ERGIC3: variants seen among roughly 807,000 people sequenced by gnomAD.
ERGIC3 encodes the protein endoplasmic reticulum-Golgi intermediate compartment protein 3.
A neutral mutation model predicts 54.7 loss-of-function variants in ERGIC3; 33 were observed. The ratio of observed to expected loss-of-function variants is 0.60; its 90% CI spans 0.46 to 0.81. The LOEUF (loss-of-function observed/expected upper bound fraction) is 0.81, where lower values mean the gene tolerates loss of function less well. Among genes scored for constraint, ERGIC3 ranks in the 30% least tolerant of loss-of-function variants. ERGIC3 has a pLI of 0.00. For synonymous variants in ERGIC3, 186 were observed against 189.8 expected, an observed-to-expected ratio of 0.98 and a Z score of 0.16; for missense variants, 399 against 488.4, an observed-to-expected ratio of 0.82 and a Z score of 1.73.
At chr20:35,557,329 G>A (rs1464705013) in intron 12 of ERGIC3, 80 bp downstream of exon 12, 9 of 1,610,296 alleles carry the variant, frequency 5.6e-6, no homozygotes, top group Non-Finnish European at 6.8e-6. Context: ...GGGGGTGAAG[G>A]GGCAGATGCT....
chr20:35,544,615 G>A lies in ERGIC3; in HGVS notation c.367+1674G>A, dbSNP rs75442135. 1.2e-4 allele frequency: 31 copies of A among 250,364 alleles called. 1 individual carries two copies. In the East Asian group the frequency reaches 3.1e-3, roughly 25 times the overall value. The allele number at this position is 250,364 out of a possible 1,614,324, so 15.5% of individuals were successfully genotyped here. ...TACGGGGCGAAACCACACACCTCTC[G>A]GATCATGTCCCACATGAATTTGGTG... On this transcript the variant is annotated intron_variant, in intron 4 of 12. Coordinates refer to ENST00000348547, the MANE Select transcript of ERGIC3 (RefSeq NM_015966.3).
chr20:35,548,549 C>T lies in ERGIC3; in HGVS notation c.502C>T (p.Arg168Cys), dbSNP rs1267751414. 27 of 1,614,052 alleles carry T rather than the reference C, an allele frequency of 1.7e-5. No homozygotes were observed. The highest frequency in any genetic ancestry group is 6.6e-5 in the South Asian group (6 of 91,082). ...TGAAGATGTGCGGGAGGCATATCGCCGTAGAGGCTGGGCCTTCAAGAACCC... is the reference window on the plus strand; with the variant it reads ...TGAAGATGTGCGGGAGGCATATCGCTGTAGAGGCTGGGCCTTCAAGAACCC... ...TCEDVREAYR[R>C]RGWAFKNPDT... The change falls in exon 6 of 13, where the codon CGT (arginine) becomes TGT (cysteine). Residue 168 changes from arginine to cysteine, a missense_variant. Coordinates refer to ENST00000348547, the MANE Select transcript of ERGIC3 (RefSeq NM_015966.3).
rs224414 is a variant in ERGIC3 at position 35,547,515 on chromosome 20, C to T, written c.461+10C>T. On this transcript the variant is annotated intron_variant, in intron 5 of 12. Transcript: ENST00000348547. ...AGGCAGAAGATATCAAGTGAGCTGGCGGGGAGCGGGAGCAGGGTTCCCATC... is the reference window on the plus strand; with the variant it reads ...AGGCAGAAGATATCAAGTGAGCTGGTGGGGAGCGGGAGCAGGGTTCCCATC... 3,820 of 1,612,650 alleles carry T rather than the reference C, an allele frequency of 2.4e-3. 74 individuals are homozygous for T. In the African/African-American group the frequency reaches 0.044, roughly 19 times the overall value.
chr20:35,551,009 A>C (rs58918479), intron 7 of ERGIC3, among the ~76,000 whole-genome samples: 26,667 of 152,078 alleles, frequency 0.18, 2,598 homozygotes, highest in South Asian at 0.29. Context: ...TTTGTACCTG[A>C]GTAGTAAGAA....
chr20:35,551,504 A>C (rs184854707), intron 7 of ERGIC3, among the ~76,000 whole-genome samples: 1 of 152,236 alleles, frequency 6.6e-6, no homozygotes, highest in Non-Finnish European at 1.5e-5. Context: ...TTGCCTGGAG[A>C]TGCAGATGTT....
intron 7 of ERGIC3, among the ~76,000 whole-genome samples, chr20:35,553,131 A>G (rs927503703): frequency 7.2e-6 from 1 of 138,278 alleles, no homozygotes; most frequent in Non-Finnish European, 1.5e-5. Flanking sequence ...CAGCCTCTCA[A>G]GGAGCTGAGA....
chr20:35,551,846 G>A (rs887326966), intron 7 of ERGIC3, among the ~76,000 whole-genome samples: 4 of 152,184 alleles, frequency 2.6e-5, no homozygotes, highest in Non-Finnish European at 5.9e-5. Flanking sequence ...GAGTGGGTTC[G>A]GGAGGGAATG....
At chr20:35,549,602 A>G (rs1222986848) in intron 7 of ERGIC3, 2 of 180,144 alleles carry the variant, frequency 1.1e-5, no homozygotes, top group Non-Finnish European at 2.3e-5. Flanking sequence ...TTTTAACTTC[A>G]TGATGGGTAT....
In ERGIC3 at chr20:35,557,455, A is replaced by G. The variant is rs556953758; in HGVS notation, c.1103A>G (p.His368Arg). The change falls in exon 13 of 13, where the codon CAC (histidine) becomes CGC (arginine). Residue 368 changes from histidine (H) to arginine (R), a missense_variant. Physicochemically the swap from His to Arg is conservative, Grantham distance 29. Transcript: ENST00000348547. ...GGACTCATCGATTCGCTCATCTACC[A>G]CTCAGCACGAGCCATCCAGAAGAAA... ...VAGLIDSLIY[H>R]SARAIQKKID... 1 of 1,613,996 alleles carries G rather than the reference A, an allele frequency of 6.2e-7. No individual in the cohort carries two copies. Among genetic ancestry groups the G allele is most frequent in the Admixed American group, 1.7e-5 (1 of 60,000 alleles).
chr20:35,550,072 G>A (rs894018210), intron 7 of ERGIC3, among the ~76,000 whole-genome samples: 10 of 152,058 alleles, frequency 6.6e-5, no homozygotes, highest in Admixed American at 2.6e-4. Flanking sequence ...GATGGTAATG[G>A]GGAGGGGCTA....
At chr20:35,553,014 C>G (rs1218962351) in intron 7 of ERGIC3, among the ~76,000 whole-genome samples, 1 of 30,654 alleles carries the variant, frequency 3.3e-5, no homozygotes, top group Non-Finnish European at 8.8e-5. Flanking sequence ...AGCTTCAAAG[C>G]TGGGGATTTT....
chr20:35,556,458 T>G, intron 10 of ERGIC3, 187 bp downstream of exon 10: 1 of 631,770 alleles, frequency 1.6e-6, no homozygotes, highest in Admixed American at 2.9e-5. Flanking sequence ...CTGTTAGATT[T>G]AAAGCGCCTG....
intron 7 of ERGIC3, among the ~76,000 whole-genome samples, chr20:35,551,129 T>C (rs542297402): frequency 6.6e-6 from 1 of 151,966 alleles, no homozygotes; most frequent in African/African-American, 2.4e-5. Flanking sequence ...TTGTCTCTAC[T>C]AAAAAATGCA....
intron 7 of ERGIC3, 42 bp from the exon 8 acceptor site, chr20:35,555,002 A>G (rs1335714359): frequency 6.2e-7 from 1 of 1,612,340 alleles, no homozygotes; most frequent in South Asian, 1.1e-5. Flanking sequence ...TGCTGCTCCT[A>G]CTAATGACGC....
chr20:35,553,351 C>A (rs181831700), intron 7 of ERGIC3, among the ~76,000 whole-genome samples: 2 of 151,976 alleles, frequency 1.3e-5, no homozygotes, highest in Admixed American at 1.3e-4. Context: ...AGAAAGACTT[C>A]TCTTTAGGCC....
At chr20:35,555,944 C>A in intron 8 of ERGIC3, 89 bp from the exon 9 acceptor site, 1 of 1,236,250 alleles carries the variant, frequency 8.1e-7, no homozygotes, top group Non-Finnish European at 1.2e-6. Flanking sequence ...GCCTCCCCTT[C>A]CTCCCACATC....
rs774894615 is a variant in ERGIC3 at position 35,542,155 on chromosome 20, T to C, written c.58T>C (p.Phe20Leu). The C allele has an allele frequency of 7.0e-6, 11 of 1,577,014 alleles. No homozygotes were observed. Among genetic ancestry groups the C allele is most frequent in the South Asian group, 1.2e-5 (1 of 85,992 alleles). ...TGCCTACCCCAAGACTTTGGAGGAC[T>C]TCCGGGTCAAGACCTGCGGGGGCGC... Reference protein sequence around the residue: ...FDAYPKTLEDFRVKTCGGATV... With the variant: ...FDAYPKTLEDLRVKTCGGATV... Residue 20 changes from phenylalanine to leucine, a missense_variant, in exon 1 of 13, where the codon TTC (phenylalanine) becomes CTC (leucine). Physicochemically the swap from Phe to Leu is conservative, Grantham distance 22. Transcript: ENST00000348547.
intron 7 of ERGIC3, among the ~76,000 whole-genome samples, chr20:35,553,020 A>ATTTTGTTTTTTTTTTTTTTTTT (rs2064689830): frequency 4.8e-5 from 2 of 41,562 alleles, no homozygotes; most frequent in East Asian, 8.7e-4. Flanking sequence ...AAAGCTGGGG[A>ATTTTGTTTTTTTTTTTTTTTTT]TTTTTTTTTT....
intron 7 of ERGIC3, among the ~76,000 whole-genome samples, chr20:35,551,008 G>C (rs2147307601): frequency 6.6e-6 from 1 of 152,242 alleles, no homozygotes; most frequent in African/African-American, 2.4e-5. Flanking sequence ...TTTTGTACCT[G>C]AGTAGTAAGA....
Sources: gnomAD v4.1 joint callset for allele counts (sites outside exome capture counted in the v4.1 genomes callset) on GRCh38, gnomAD v4.1.1 for gene constraint, MANE v1.5 for transcripts, NCBI Gene and HGNC (gene_info 2026-07-23, HGNC 2026-07-21) for gene names.